Variants in SHISA9 observed in about 807,000 individuals in gnomAD.
SHISA9 encodes the protein protein shisa-9.
Under a neutral mutation model 38.0 loss-of-function variants are expected in SHISA9, and 13 were observed. That is an observed-to-expected ratio of 0.34 (90% confidence interval 0.22 to 0.54). The LOEUF is 0.54. SHISA9 is among the 20% of genes least tolerant of loss of function. The probability of loss-of-function intolerance (pLI) is 0.91; values close to 1 mark genes in which losing one functional copy is unlikely to be tolerated. For synonymous variants in SHISA9, 275 were observed against 242.0 expected (o/e 1.14, Z -1.27); for missense variants, 538 against 575.8 (o/e 0.93, Z 0.67).
chr16:12,944,746 CTGTT>C (rs2071667135), intron 2 of SHISA9, among the ~76,000 whole-genome samples: 1 of 152,176 alleles, frequency 6.6e-6, no homozygotes, highest in South Asian at 2.1e-4. Flanking sequence ...CTCCCTAAGA[CTGTT>C]TGGAAAAACG....
intron 2 of SHISA9, among the ~76,000 whole-genome samples, chr16:13,187,333 T>C (rs72786633): frequency 1.8e-3 from 73 of 40,636 alleles, no homozygotes; most frequent in African/African-American, 5.8e-3. Context: ...CTTTTCTTTT[T>C]TTTTTTTTTT....
chr16:13,502,294 TA>T, the SHISA9 span, among the ~76,000 whole-genome samples: 1 of 152,038 alleles, frequency 6.6e-6, no homozygotes, highest in South Asian at 2.1e-4. Flanking sequence ...TCTGGCTGAG[TA>T]CATATCATGC....
At chr16:13,317,963 A>C in the SHISA9 span, among the ~76,000 whole-genome samples, 1 of 150,836 alleles carries the variant, frequency 6.6e-6, no homozygotes, top group Non-Finnish European at 1.5e-5. Flanking sequence ...TGGTATATAA[A>C]TGGATCATTT....
At chr16:12,991,103 AT>A (rs1266365241) in intron 2 of SHISA9, among the ~76,000 whole-genome samples, 2 of 152,046 alleles carry the variant, frequency 1.3e-5, no homozygotes, top group Non-Finnish European at 2.9e-5. Flanking sequence ...TTTAATTGGT[AT>A]TCTTTTTGAT....
intron 2 of SHISA9, among the ~76,000 whole-genome samples, chr16:13,079,727 A>G (rs1175036862): frequency 6.6e-6 from 1 of 152,228 alleles, no homozygotes. Context: ...AAGCAATTTC[A>G]GATTACTCGG....
chr16:13,384,640 A>G, the SHISA9 span, among the ~76,000 whole-genome samples: 2 of 152,212 alleles, frequency 1.3e-5, no homozygotes, highest in Non-Finnish European at 2.9e-5. Context: ...TTTAAGGACA[A>G]GAAGTCCATA....
chr16:13,520,952 T>G, the SHISA9 span, among the ~76,000 whole-genome samples: 1 of 152,160 alleles, frequency 6.6e-6, no homozygotes, highest in Non-Finnish European at 1.5e-5. Context: ...AATTAGCACA[T>G]TCATTACCTT....
At chr16:13,217,282 T>C (rs1037834736) in intron 4 of SHISA9, among the ~76,000 whole-genome samples, 2 of 151,970 alleles carry the variant, frequency 1.3e-5, no homozygotes, top group African/African-American at 4.8e-5. Context: ...CGTCTCAAAA[T>C]AAATAAATAA....
intron 2 of SHISA9, among the ~76,000 whole-genome samples, chr16:13,036,990 C>T (rs1223888500): frequency 3.3e-5 from 5 of 151,892 alleles, no homozygotes; most frequent in African/African-American, 1.2e-4. Context: ...ATTATCCTTA[C>T]TTTGCAGTTG....
At chr16:13,338,734 C>G in the SHISA9 span, among the ~76,000 whole-genome samples, 1 of 152,186 alleles carries the variant, frequency 6.6e-6, no homozygotes, top group Non-Finnish European at 1.5e-5. Context: ...GTTACAGACT[C>G]ATTTGACTGG....
chr16:13,275,377 A>G, the SHISA9 span, among the ~76,000 whole-genome samples: 1 of 152,254 alleles, frequency 6.6e-6, no homozygotes, highest in South Asian at 2.1e-4. Context: ...TCTAAGGTCA[A>G]TATGGTTCTG....
chr16:13,058,894 A>G (rs1224878867), intron 2 of SHISA9, among the ~76,000 whole-genome samples: 1 of 152,098 alleles, frequency 6.6e-6, no homozygotes, highest in Non-Finnish European at 1.5e-5. Flanking sequence ...GGGGAAGTAC[A>G]TAATTCTAGA....
At chr16:13,339,165 CTTTTTT>C in the SHISA9 span, among the ~76,000 whole-genome samples, 1 of 132,856 alleles carries the variant, frequency 7.5e-6, no homozygotes, top group African/African-American at 2.8e-5. Flanking sequence ...CTTATTGTGA[CTTTTTT>C]TTTTTTTTTT....
the SHISA9 span, among the ~76,000 whole-genome samples, chr16:13,439,949 G>C: frequency 3.3e-5 from 5 of 152,318 alleles, no homozygotes; most frequent in South Asian, 4.1e-4. Context: ...AGCATGGGCA[G>C]CTGGGCCTGT....
At chr16:13,486,627 C>T in the SHISA9 span, among the ~76,000 whole-genome samples, 1 of 152,098 alleles carries the variant, frequency 6.6e-6, no homozygotes, top group South Asian at 2.1e-4. Flanking sequence ...TAGTAGAATG[C>T]ATATAAAAAT....
chr16:13,486,091 C>T, the SHISA9 span, among the ~76,000 whole-genome samples: 1 of 152,206 alleles, frequency 6.6e-6, no homozygotes, highest in Non-Finnish European at 1.5e-5. Context: ...AAACAGGGGA[C>T]CCCATTCCTG....
the SHISA9 span, among the ~76,000 whole-genome samples, chr16:13,378,237 C>T: frequency 1.3e-5 from 2 of 152,320 alleles, no homozygotes; most frequent in Non-Finnish European, 1.5e-5. Flanking sequence ...AATATGGCTA[C>T]CTCAGGTATG....
intron 1 of SHISA9, among the ~76,000 whole-genome samples, chr16:12,906,937 C>G (rs1408072569): frequency 6.6e-6 from 1 of 152,152 alleles, no homozygotes; most frequent in Non-Finnish European, 1.5e-5. Context: ...CAGTTGAGAA[C>G]CACTAACTTA....
intron 1 of SHISA9, among the ~76,000 whole-genome samples, chr16:12,905,461 G>A (rs1181462473): frequency 6.6e-6 from 1 of 152,078 alleles, no homozygotes; most frequent in East Asian, 1.9e-4. Flanking sequence ...CTCCCCTAAT[G>A]GCTTTGAGAT....
Sources: allele counts gnomAD v4.1 joint callset (sites outside exome capture counted in the v4.1 genomes callset), GRCh38; gene constraint gnomAD v4.1.1; transcripts MANE v1.5; gene names NCBI Gene and HGNC (gene_info 2026-07-23, HGNC 2026-07-21).